The following PRRC1 variants were observed in gnomAD, a reference collection of about 807,000 sequenced individuals.
The protein encoded by PRRC1 is proline rich coiled-coil 1.
In PRRC1, 39 loss-of-function variants were observed where a neutral mutation model predicts 40.7. The ratio of observed to expected loss-of-function variants is 0.96; its 90% CI spans 0.74 to 1.25. The LOEUF (loss-of-function observed/expected upper bound fraction) is 1.25. PRRC1 is among the 50% of genes most tolerant of loss of function. PRRC1 has a pLI of 0.00. For synonymous variants in PRRC1, 175 were observed against 193.3 expected (o/e 0.91, Z 0.79); for missense variants, 573 against 548.3 (o/e 1.05, Z -0.45).
chr5:127,526,702 C>G lies in PRRC1; in HGVS notation c.578C>G (p.Pro193Arg). ...GGAACCACATCAGCCATTACTTTCC[C>G]AGAGGAGCAAGAAGACCCTAGAATT... ...GTGTTSAITF[P>R]EEQEDPRITR... The change falls in exon 4 of 9, where the codon CCA becomes CGA. Residue 193 changes from proline (P) to arginine (R), a missense_variant. Transcript: ENST00000296666. 6.2e-7 allele frequency: 1 copy of G among 1,613,638 alleles called. No homozygotes were observed. Among genetic ancestry groups the G allele is most frequent in the Non-Finnish European group, 8.5e-7 (1 of 1,179,724 alleles).
chr5:127,526,011 G>T (rs1767604717), intron 3 of PRRC1, among the ~76,000 whole-genome samples: 1 of 152,138 alleles, frequency 6.6e-6, no homozygotes, highest in African/African-American at 2.4e-5. Context: ...CCCTAGGTCA[G>T]TTAAATCTAC....
At chr5:127,531,438 C>T (rs1344592818) in intron 5 of PRRC1, among the ~76,000 whole-genome samples, 3 of 152,022 alleles carry the variant, frequency 2.0e-5, no homozygotes, top group African/African-American at 4.8e-5. Context: ...AATTGGAGTC[C>T]ACCATATATG....
intron 7 of PRRC1, among the ~76,000 whole-genome samples, chr5:127,544,053 T>C (rs1406798959): frequency 6.6e-6 from 1 of 151,818 alleles, no homozygotes; most frequent in South Asian, 2.1e-4. Flanking sequence ...GGGTTTTTGG[T>C]GTGGATGTCC....
At chr5:127,530,420 A>C in intron 5 of PRRC1, 24 bp downstream of exon 5, 1 of 1,561,678 alleles carries the variant, frequency 6.4e-7, no homozygotes, top group South Asian at 1.1e-5. Context: ...TTAGACCGGT[A>C]TCTGCCATTT....
chr5:127,528,787 T>G (rs984475323), intron 4 of PRRC1, among the ~76,000 whole-genome samples: 1 of 152,214 alleles, frequency 6.6e-6, no homozygotes, highest in South Asian at 2.1e-4. Context: ...GAGATCAAAC[T>G]TAATTTTCTT....
rs555700187 is a variant in PRRC1 at position 127,547,998 on chromosome 5, G to T, written c.1128+77G>T. On this transcript the variant is annotated intron_variant, in intron 8 of 8. Transcript: ENST00000296666. ...TGTTTTCAGAATAAAAATTTGTTCG[G>T]TTTTTTTGTTAGAAATATGTTCTTG... 7.9e-4 allele frequency: 759 copies of T among 966,802 alleles called. 9 individuals carry two copies. In the East Asian group the frequency reaches 0.01, roughly 13 times the overall value. 59.9% of individuals were successfully genotyped at this position (966,802 alleles called of 1,614,324 possible). A position where few individuals can be genotyped will look rare whatever the true frequency, so the allele number is the denominator to read the frequency against.
intron 4 of PRRC1, among the ~76,000 whole-genome samples, chr5:127,528,525 C>T (rs980622034): frequency 6.6e-6 from 1 of 152,070 alleles, no homozygotes; most frequent in African/African-American, 2.4e-5. Flanking sequence ...CCATGTTGGC[C>T]AGGCTGGTCT....
At chr5:127,550,307 C>G (rs1243526376) in intron 8 of PRRC1, 1 of 152,074 alleles carries the variant, frequency 6.6e-6, no homozygotes, top group Non-Finnish European at 1.5e-5. Context: ...CTATTCAGCT[C>G]TCCTCCCTGT....
In PRRC1 at chr5:127,554,159, G is replaced by T; in HGVS notation, c.*2243G>T. 3.2e-6 allele frequency: 1 copy of T among 313,106 alleles called. No homozygotes were observed. The highest frequency in any genetic ancestry group is 5.9e-6 in the Non-Finnish European group (1 of 169,604). 19.4% of individuals were successfully genotyped at this position (313,106 alleles called of 1,614,324 possible). A position where few individuals can be genotyped will look rare whatever the true frequency, so the allele number is the denominator to read the frequency against. Reference sequence around the variant, plus strand: ...TTAGCCAGGTAGTCTTAGTGGTGGTGTTTAGGCATAAGATATGCTGATCAT... The same window carrying T: ...TTAGCCAGGTAGTCTTAGTGGTGGTTTTTAGGCATAAGATATGCTGATCAT... On this transcript the variant is annotated 3_prime_UTR_variant, in exon 9 of 9. Transcript: ENST00000296666.
At chr5:127,530,427 AT>A (rs757721592) in intron 5 of PRRC1, 31 bp downstream of exon 5, 5,559 of 1,313,428 alleles carry the variant, frequency 4.2e-3, no homozygotes, top group South Asian at 6.7e-3. Context: ...GGTATCTGCC[AT>A]TTTTTTTTTA....
chr5:127,528,743 T>G (rs566861088), intron 4 of PRRC1, among the ~76,000 whole-genome samples: 1 of 152,358 alleles, frequency 6.6e-6, no homozygotes, highest in Admixed American at 6.5e-5. Flanking sequence ...ACTTAGCGTT[T>G]AATATAGTTG....
chr5:127,526,474 A>G (rs899218229), intron 3 of PRRC1, 144 bp from the exon 4 acceptor site: 143 of 562,832 alleles, frequency 2.5e-4, no homozygotes, highest in Middle Eastern at 1.4e-3. Context: ...TTTGCGTTTT[A>G]TAAAGGTTTG....
At chr5:127,530,173 CTT>C in intron 4 of PRRC1, 119 bp from the exon 5 acceptor site, 1 of 693,220 alleles carries the variant, frequency 1.4e-6, no homozygotes, top group Non-Finnish European at 2.4e-6. Context: ...CCTTATATAT[CTT>C]ACAAAAGTAC....
intron 1 of PRRC1, among the ~76,000 whole-genome samples, chr5:127,519,825 A>C (rs973552774): frequency 3.3e-5 from 5 of 152,214 alleles, no homozygotes; most frequent in African/African-American, 9.6e-5. Flanking sequence ...AAGGAACTTA[A>C]ACAGCATGTC....
At chr5:127,535,620 G>A (rs1767879886) in intron 6 of PRRC1, among the ~76,000 whole-genome samples, 1 of 152,128 alleles carries the variant, frequency 6.6e-6, no homozygotes, top group South Asian at 2.1e-4. Context: ...CTGTATTTAT[G>A]TTTAAGGAGA....
intron 7 of PRRC1, among the ~76,000 whole-genome samples, chr5:127,540,564 T>G (rs898009107): frequency 6.6e-6 from 1 of 152,146 alleles, no homozygotes; most frequent in African/African-American, 2.4e-5. Context: ...TCAGAGCTGC[T>G]CACTACCAAT....
chr5:127,538,969 G>C, intron 6 of PRRC1, 71 bp from the exon 7 acceptor site: 1 of 1,061,836 alleles, frequency 9.4e-7, no homozygotes, highest in Non-Finnish European at 1.4e-6. Flanking sequence ...CATGTATTGT[G>C]TAATCATAAA....
rs977662514 is a variant in PRRC1, at chr5:127,552,880, G to C, written c.*964G>C. 3 of 969,080 alleles carry C rather than the reference G, an allele frequency of 3.1e-6. No individual in the cohort carries two copies. The highest frequency in any genetic ancestry group is 3.7e-6 in the Non-Finnish European group (3 of 815,150). 60.0% of individuals were successfully genotyped at this position (969,080 alleles called of 1,614,324 possible). On this transcript the variant is annotated 3_prime_UTR_variant, in exon 9 of 9. Transcript: ENST00000296666. ...CCTTAAGCATTACTTTTTTAACTTT[G>C]TGCCATTTGGTCTTTACTTTTTATG...
intron 4 of PRRC1, among the ~76,000 whole-genome samples, chr5:127,527,611 T>C (rs986428598): frequency 9.2e-5 from 14 of 152,026 alleles, no homozygotes; most frequent in Admixed American, 5.9e-4. Context: ...CTTAAAAAAA[T>C]TAGCCAGGCA....
Sources: gnomAD v4.1 joint callset for allele counts (sites outside exome capture counted in the v4.1 genomes callset) on GRCh38, gnomAD v4.1.1 for gene constraint, MANE v1.5 for transcripts, NCBI Gene and HGNC (gene_info 2026-07-23, HGNC 2026-07-21) for gene names.